DLG5: variants seen among roughly 807,000 people sequenced by gnomAD.
DLG5 encodes the protein disks large homolog 5.
In DLG5, 48 loss-of-function variants were observed where a neutral mutation model predicts 189.8. The ratio of observed to expected loss-of-function variants is 0.25; its 90% CI spans 0.20 to 0.32. DLG5 has a LOEUF of 0.32. Ranked by LOEUF, DLG5 falls within the 10% of genes least tolerant of loss-of-function variation. The probability of loss-of-function intolerance (pLI) is 1.00; values close to 1 mark genes in which losing one functional copy is unlikely to be tolerated. For synonymous variants in DLG5, 1,016 were observed against 1,054.1 expected (o/e 0.96, Z 0.70); for missense variants, 2,160 against 2,544.7 (o/e 0.85, Z 3.25).
intron 1 of DLG5, among the ~76,000 whole-genome samples, chr10:77,901,491 C>T (rs1280347072): frequency 6.6e-6 from 1 of 152,226 alleles, no homozygotes; most frequent in East Asian, 1.9e-4. Context: ...CAGGAAGTAG[C>T]ACATCCACAC....
At position 77,882,915 on chromosome 10, in the gene DLG5, C is replaced by G. The variant is rs546677174; in HGVS notation, c.305-13718G>C. ...GGTGCACTCCAGCGAAACAATGTCT[C>G]AAAGAAAAAAAAAAAAAACACCCAA... On this transcript the variant is annotated intron_variant, in intron 1 of 31. Coordinates refer to ENST00000372391, the MANE Select transcript of DLG5 (RefSeq NM_004747.4). Among the ~76,000 whole-genome samples the G allele has an allele frequency of 1.2e-3, 177 of 145,978 alleles. 1 individual carries two copies. Among genetic ancestry groups the G allele is most frequent in the African/African-American group, 4.3e-3 (170 of 39,764 alleles).
chr10:77,856,294 T>A (rs1412743789), intron 3 of DLG5, among the ~76,000 whole-genome samples: 1 of 152,102 alleles, frequency 6.6e-6, no homozygotes, highest in Non-Finnish European at 1.5e-5. Context: ...CAAAACTGCA[T>A]TGAACCATGA....
rs1845557451 is a variant in DLG5 at position 77,889,930 on chromosome 10, CA to C, written c.305-20734del. Among the ~76,000 whole-genome samples, 4 of 152,094 alleles carry C rather than the reference CA, an allele frequency of 2.6e-5. No individual in the cohort carries two copies. In the South Asian group the frequency reaches 8.3e-4, roughly 32 times the overall value. Reference sequence around the variant, plus strand: ...TGGGAGCCAGAGATGGTGAGCATCCCAAAAGTGCAGAAGATCCCAAAGCCAA... The same window carrying C: ...TGGGAGCCAGAGATGGTGAGCATCCCAAAGTGCAGAAGATCCCAAAGCCAA... On this transcript the variant is annotated intron_variant, in intron 1 of 31. Transcript: ENST00000372391.
At chr10:77,900,586 G>A (rs574068005) in intron 1 of DLG5, among the ~76,000 whole-genome samples, 2 of 152,026 alleles carry the variant, frequency 1.3e-5, no homozygotes, top group African/African-American at 4.8e-5. Context: ...GATCACTTGA[G>A]GTCAGGAGTT....
intron 11 of DLG5, 38 bp downstream of exon 11, chr10:77,830,179 C>A (rs1842832515): frequency 6.2e-7 from 1 of 1,612,238 alleles, no homozygotes. Context: ...GGAAGAAGGG[C>A]CCCACCTTGC....
chr10:77,836,868 T>C (rs1212129686), intron 7 of DLG5, among the ~76,000 whole-genome samples: 4 of 151,710 alleles, frequency 2.6e-5, no homozygotes, highest in South Asian at 4.2e-4. Context: ...CTGTGTTTGT[T>C]TAGTTTGCTA....
intron 9 of DLG5, among the ~76,000 whole-genome samples, chr10:77,831,440 C>A (rs900166805): frequency 6.6e-6 from 1 of 151,900 alleles, no homozygotes; most frequent in East Asian, 1.9e-4. Flanking sequence ...AATCAAAATG[C>A]CAACAAGATT....
intron 23 of DLG5, among the ~76,000 whole-genome samples, 199 bp downstream of exon 23, chr10:77,810,895 C>T (rs948506601): frequency 1.3e-5 from 2 of 152,132 alleles, no homozygotes; most frequent in Non-Finnish European, 2.9e-5. Flanking sequence ...CAATAGAAAA[C>T]AGGAGAAAAA....
At chr10:77,887,169 C>A (rs907975165) in intron 1 of DLG5, among the ~76,000 whole-genome samples, 1 of 152,160 alleles carries the variant, frequency 6.6e-6, no homozygotes, top group Non-Finnish European at 1.5e-5. Context: ...TGCTGTTAGC[C>A]CCATTTTACA....
chr10:77,865,459 A>G (rs1844637592), intron 2 of DLG5, among the ~76,000 whole-genome samples: 1 of 152,170 alleles, frequency 6.6e-6, no homozygotes, highest in Admixed American at 6.5e-5. Flanking sequence ...TCTCCTGCCG[A>G]TAAGCCTGGA....
rs1228983498 is a variant in DLG5, at chr10:77,821,305, G to A, written c.3179C>T (p.Pro1060Leu). 1 of 1,613,454 alleles carries A rather than the reference G, an allele frequency of 6.2e-7. No individual in the cohort carries two copies. Reference sequence around the variant, plus strand: ...CTTGCGAGGGGGTGATGCGTGCATGGGCTCCCCGGGGTCCACGTCAGGGGG... The same window carrying A: ...CTTGCGAGGGGGTGATGCGTGCATGAGCTCCCCGGGGTCCACGTCAGGGGG... ...ALPPDVDPGE[P>L]MHASPPRKAR... The change falls in exon 15 of 32, where the codon CCC becomes CTC. Residue 1060 changes from proline to leucine, a missense_variant. Physicochemically the swap from Pro to Leu is moderately conservative, Grantham distance 98. Around this residue, in one of 5 missense-constraint regions of DLG5, gnomAD observed 754 missense variants for 746.5 expected, o/e 1.01. Transcript: ENST00000372391.
intron 1 of DLG5, among the ~76,000 whole-genome samples, chr10:77,896,079 G>C (rs1337637564): frequency 3.3e-5 from 5 of 151,452 alleles, no homozygotes; most frequent in Admixed American, 3.3e-4. Context: ...AGAATTGCTT[G>C]AACCCAAGAG....
At chr10:77,806,430 C>T (rs575139340) in intron 26 of DLG5, among the ~76,000 whole-genome samples, 35 of 152,250 alleles carry the variant, frequency 2.3e-4, no homozygotes, top group African/African-American at 7.9e-4. Context: ...ACTGTAGTGG[C>T]GGCTGCACAC....
rs1231006560 is a variant in DLG5, at chr10:77,831,008, T to C, written c.1749-135A>G. 4 of 1,114,736 alleles carry C rather than the reference T, an allele frequency of 3.6e-6. No individual in the cohort carries two copies. In the East Asian group the frequency reaches 1.0e-4, roughly 29 times the overall value. The allele number at this position is 1,114,736 out of a possible 1,614,324, so 69.1% of individuals were successfully genotyped here. ...CCTTTCCCCCTTGTTTCCCAATAACTCAGAGTCAGGTCAAGGCTGCTGGGA... is the reference window on the plus strand; with the variant it reads ...CCTTTCCCCCTTGTTTCCCAATAACCCAGAGTCAGGTCAAGGCTGCTGGGA... On this transcript the variant is annotated intron_variant, in intron 9 of 31. Coordinates refer to ENST00000372391, the MANE Select transcript of DLG5 (RefSeq NM_004747.4).
At position 77,914,446 on chromosome 10, in the gene DLG5, A is replaced by C. The variant is rs12243749; in HGVS notation, c.304+11771T>G. Among the ~76,000 whole-genome samples the C allele has an allele frequency of 3.4e-3, 513 of 152,268 alleles. 5 individuals carry two copies. Among genetic ancestry groups the C allele is most frequent in the African/African-American group, 0.012 (484 of 41,562 alleles). On this transcript the variant is annotated intron_variant, in intron 1 of 31. Transcript: ENST00000372391. Reference sequence around the variant, plus strand: ...ACCAAAGCCCTGGGTGAATATTATTAGCCCCTCTTCTACAGATGGGGAAGA... The same window carrying C: ...ACCAAAGCCCTGGGTGAATATTATTCGCCCCTCTTCTACAGATGGGGAAGA...
At chr10:77,861,333 T>C (rs781655542) in intron 2 of DLG5, among the ~76,000 whole-genome samples, 1 of 152,188 alleles carries the variant, frequency 6.6e-6, no homozygotes, top group Non-Finnish European at 1.5e-5. Context: ...ATGTCCAGTT[T>C]CACAACAGAA....
In DLG5 at chr10:77,792,139, G is replaced by A. The variant is rs1603641020; in HGVS notation, c.*301C>T. ...GGCTTGTAAACGAGTGATCCGAAAG[G>A]TTCTCTTTGCAGCATCTCTGATCAG... is the stretch of plus-strand genomic sequence containing the variant. On this transcript the variant is annotated 3_prime_UTR_variant, in exon 32 of 32. Transcript: ENST00000372391. The A allele has an allele frequency of 2.3e-6, 1 of 426,186 alleles. No individual in the cohort carries two copies. The highest frequency in any genetic ancestry group is 4.2e-6 in the Non-Finnish European group (1 of 237,264). 26.4% of individuals were successfully genotyped at this position (426,186 alleles called of 1,614,324 possible).
intron 24 of DLG5, 115 bp downstream of exon 24, chr10:77,809,432 A>C: frequency 8.3e-7 from 1 of 1,207,234 alleles, no homozygotes; most frequent in Non-Finnish European, 1.2e-6. Flanking sequence ...GTCAGCCCTG[A>C]CTGGCTCACC....
intron 27 of DLG5, among the ~76,000 whole-genome samples, chr10:77,801,168 A>C (rs1841184884): frequency 6.6e-6 from 1 of 152,226 alleles, no homozygotes; most frequent in Non-Finnish European, 1.5e-5. Flanking sequence ...GGATGACCAC[A>C]CATGACAGTT....
Sources: gnomAD v4.1 joint callset for allele counts (sites outside exome capture counted in the v4.1 genomes callset) on GRCh38, gnomAD v4.1.1 for gene constraint, gnomAD v4.1.1 regional missense constraint, MANE v1.5 for transcripts, NCBI Gene and HGNC (gene_info 2026-07-23, HGNC 2026-07-21) for gene names.